Variants in MPP7 observed in about 807,000 individuals in gnomAD.
MPP7 encodes the protein MAGUK p55 scaffold protein 7, also known as MAGUK p55 subfamily member 7.
In MPP7, 60 loss-of-function variants were observed where a neutral mutation model predicts 76.5. The observed-to-expected ratio is 0.78, with a 90% CI of 0.64 to 0.97. MPP7 has a LOEUF of 0.97. MPP7 is among the 50% of genes least tolerant of loss of function. The pLI, the probability that MPP7 is intolerant of heterozygous loss-of-function variation, is 0.00. For missense variants in MPP7, 641 were observed against 694.0 expected (o/e 0.92, Z 0.86); for synonymous variants, 237 against 244.5 (o/e 0.97, Z 0.29).
At chr10:28,261,251 G>A (rs1839940344) in intron 1 of MPP7, among the ~76,000 whole-genome samples, 1 of 152,196 alleles carries the variant, frequency 6.6e-6, no homozygotes, top group Admixed American at 6.5e-5. Flanking sequence ...AAGGTGAGCA[G>A]AACACTGAAC....
At chr10:28,243,035 T>A (rs1273777871) in intron 1 of MPP7, among the ~76,000 whole-genome samples, 1 of 152,164 alleles carries the variant, frequency 6.6e-6, no homozygotes, top group Non-Finnish European at 1.5e-5. Flanking sequence ...ACTTGTGCAA[T>A]GATTTGAGTT....
chr10:28,229,895 A>C lies in MPP7; in HGVS notation c.37+8673T>G, dbSNP rs111396244. On this transcript the variant is annotated intron_variant, in intron 2 of 16. Transcript: ENST00000683449. ...CAGAGCTAGACTCCGTCTCAAAAAA[A>C]AAAAACAAAAACAAAAAGAACTGTG... 3.6e-3 allele frequency among the ~76,000 whole-genome samples: 544 copies of C among 150,362 alleles called. 10 individuals are homozygous for C. Among genetic ancestry groups the C allele is most frequent in the Admixed American group, 0.03 (447 of 15,146 alleles).
chr10:28,079,847 T>C (rs1175171257), intron 12 of MPP7, among the ~76,000 whole-genome samples: 1 of 152,110 alleles, frequency 6.6e-6, no homozygotes, highest in Non-Finnish European at 1.5e-5. Context: ...TCATAAAGAA[T>C]AAGCATATGG....
chr10:28,250,217 G>A (rs1013001193), intron 1 of MPP7, among the ~76,000 whole-genome samples: 2 of 152,120 alleles, frequency 1.3e-5, no homozygotes, highest in African/African-American at 2.4e-5. Context: ...GTATTTAGGG[G>A]TGTCAAGTAA....
chr10:28,128,969 T>G (rs1476108420), intron 6 of MPP7, among the ~76,000 whole-genome samples: 1 of 152,220 alleles, frequency 6.6e-6, no homozygotes, highest in Non-Finnish European at 1.5e-5. Context: ...TGATAGAATC[T>G]TCTTGCTATC....
intron 13 of MPP7, among the ~76,000 whole-genome samples, chr10:28,063,185 G>A (rs1305768869): frequency 6.6e-6 from 1 of 152,098 alleles, no homozygotes; most frequent in Non-Finnish European, 1.5e-5. Flanking sequence ...AATGGGCCAG[G>A]CACAGTGCCT....
chr10:28,309,918 T>C (rs1169428157), intron 2 of MPP7, among the ~76,000 whole-genome samples: 1 of 150,634 alleles, frequency 6.6e-6, no homozygotes, highest in Non-Finnish European at 1.5e-5. Flanking sequence ...GAATAAAAGC[T>C]CCCGGAGGCC....
chr10:28,060,048 AC>A (rs1331504137), intron 13 of MPP7, among the ~76,000 whole-genome samples: 2 of 140,674 alleles, frequency 1.4e-5, no homozygotes, highest in Non-Finnish European at 1.5e-5. Flanking sequence ...GAGGAAAAAA[AC>A]CTTTTTTTTT....
At chr10:28,236,887 C>G (rs1839095652) in intron 2 of MPP7, 1 of 152,150 alleles carries the variant, frequency 6.6e-6, no homozygotes, top group South Asian at 2.1e-4. Context: ...ATACGCCGTA[C>G]TTTGCGGCTT....
intron 11 of MPP7, among the ~76,000 whole-genome samples, chr10:28,104,894 G>C (rs1588773759): frequency 6.6e-6 from 1 of 151,804 alleles, no homozygotes; most frequent in Non-Finnish European, 1.5e-5. Flanking sequence ...TAGACCAGGA[G>C]GACATAAAGA....
chr10:28,081,245 C>T lies in MPP7; in HGVS notation c.1123+8426G>A, dbSNP rs150221440. 1.8e-4 allele frequency among the ~76,000 whole-genome samples: 27 copies of T among 152,332 alleles called. 1 individual carries two copies. The highest frequency in any genetic ancestry group is 3.4e-3 in the Middle Eastern group (1 of 294). ...ATTTTTGCTCTTGTTTTGGCTTAAA[C>T]GTGAAAAGTGTTTTAGTTGCTTTTT... On this transcript the variant is annotated intron_variant, in intron 12 of 16. Transcript: ENST00000683449.
At chr10:28,234,610 G>T (rs1470486904) in intron 2 of MPP7, among the ~76,000 whole-genome samples, 1 of 152,104 alleles carries the variant, frequency 6.6e-6, no homozygotes, top group Non-Finnish European at 1.5e-5. Flanking sequence ...TATACCCTCA[G>T]TGTGATATGA....
At chr10:28,233,163 T>A (rs1483498959) in intron 2 of MPP7, among the ~76,000 whole-genome samples, 2 of 152,158 alleles carry the variant, frequency 1.3e-5, no homozygotes, top group Non-Finnish European at 2.9e-5. Context: ...ACACGTACAC[T>A]GGGACTGAAC....
chr10:28,318,781 T>C (rs974930016), intron 2 of MPP7, among the ~76,000 whole-genome samples: 8 of 152,116 alleles, frequency 5.3e-5, no homozygotes, highest in Non-Finnish European at 7.4e-5. Context: ...GATGGAAAGG[T>C]TTTTTACTTG....
chr10:28,304,222 A>C (rs1397316200), upstream of MPP7, among the ~76,000 whole-genome samples: 2 of 152,148 alleles, frequency 1.3e-5, no homozygotes, highest in Non-Finnish European at 2.9e-5. Context: ...GTCAGCCTAG[A>C]AGGCAAGAAG....
At chr10:28,246,525 G>A (rs781568333) in intron 1 of MPP7, among the ~76,000 whole-genome samples, 23 of 152,146 alleles carry the variant, frequency 1.5e-4, no homozygotes, top group Admixed American at 6.5e-5. Flanking sequence ...TGGTAAAGCT[G>A]AATATATGAA....
At chr10:28,098,089 TTAAAA>T (rs1012955342) in intron 11 of MPP7, among the ~76,000 whole-genome samples, 1 of 152,156 alleles carries the variant, frequency 6.6e-6, no homozygotes, top group African/African-American at 2.4e-5. Flanking sequence ...TCATTTGTTA[TTAAAA>T]TAAGTTTCAT....
chr10:28,184,382 A>G (rs1837159037), intron 3 of MPP7, among the ~76,000 whole-genome samples: 1 of 148,352 alleles, frequency 6.7e-6, no homozygotes, highest in Non-Finnish European at 1.5e-5. Context: ...ATATCACAAG[A>G]TATTATTAAT....
rs1837154584 is a variant in MPP7, at chr10:28,184,268, A to T, written c.156+17885T>A. ...ATAAAATACATATTAGATATATTCC[A>T]TCATGTTAAGATATATATCTTACAT... On this transcript the variant is annotated intron_variant, in intron 3 of 16. Coordinates refer to ENST00000683449, the MANE Select transcript of MPP7 (RefSeq NM_001318170.2). Among the ~76,000 whole-genome samples the T allele has an allele frequency of 2.0e-5, 3 of 148,326 alleles. No homozygotes were observed. In the South Asian group the frequency reaches 6.3e-4, roughly 31 times the overall value.
Sources: gnomAD v4.1 joint callset for allele counts (sites outside exome capture counted in the v4.1 genomes callset) on GRCh38, gnomAD v4.1.1 for gene constraint, MANE v1.5 for transcripts, NCBI Gene and HGNC (gene_info 2026-07-23, HGNC 2026-07-21) for gene names.